Variants in VPS8 observed in about 807,000 individuals in gnomAD.
The protein encoded by VPS8 is VPS8 subunit of CORVET complex.
Under a neutral mutation model 216.4 loss-of-function variants are expected in VPS8, and 129 were observed. The ratio of observed to expected loss-of-function variants is 0.60; its 90% CI spans 0.52 to 0.69. The LOEUF (loss-of-function observed/expected upper bound fraction) is 0.69. Among genes scored for constraint, VPS8 ranks in the 30% least tolerant of loss-of-function variants. The probability of loss-of-function intolerance (pLI) is 0.00; values close to 1 mark genes in which losing one functional copy is unlikely to be tolerated. For synonymous variants in VPS8, 571 were observed against 565.4 expected (o/e 1.01, Z -0.14); for missense variants, 1,531 against 1,683.5 (o/e 0.91, Z 1.59).
At chr3:184,892,607 A>G (rs1007633124) in intron 22 of VPS8, among the ~76,000 whole-genome samples, 8 of 152,210 alleles carry the variant, frequency 5.3e-5, no homozygotes, top group African/African-American at 1.9e-4. Context: ...TGAATATAAA[A>G]AAAATTTTAT....
intron 3 of VPS8, among the ~76,000 whole-genome samples, chr3:184,831,011 A>G (rs1449727684): frequency 6.6e-6 from 1 of 152,220 alleles, no homozygotes; most frequent in African/African-American, 2.4e-5. Context: ...ATGAAGTAGG[A>G]AGAGAAGATG....
chr3:184,825,666 C>T (rs1718601776), intron 2 of VPS8, among the ~76,000 whole-genome samples: 1 of 152,180 alleles, frequency 6.6e-6, no homozygotes, highest in Admixed American at 6.5e-5. Context: ...CTTTATGAGG[C>T]CGAGATGGGT....
intron 46 of VPS8, among the ~76,000 whole-genome samples, chr3:185,047,404 C>G (rs1174204246): frequency 6.6e-6 from 1 of 152,152 alleles, no homozygotes. Context: ...ACTCGGAGAA[C>G]TTGCCTAAGA....
intron 46 of VPS8, among the ~76,000 whole-genome samples, chr3:185,031,626 T>A (rs1487095982): frequency 2.6e-5 from 4 of 152,160 alleles, no homozygotes; most frequent in Non-Finnish European, 5.9e-5. Context: ...CATCCTTAAT[T>A]GTTGAGAGGA....
At chr3:184,923,788 C>G (rs892431361) in intron 29 of VPS8, among the ~76,000 whole-genome samples, 3 of 152,158 alleles carry the variant, frequency 2.0e-5, no homozygotes, top group Admixed American at 6.5e-5. Flanking sequence ...TTCTCTTTGC[C>G]AGGTTTGCCT....
At chr3:185,036,903 G>A (rs1196215917) in intron 46 of VPS8, among the ~76,000 whole-genome samples, 1 of 151,696 alleles carries the variant, frequency 6.6e-6, no homozygotes, top group African/African-American at 2.4e-5. Context: ...CACCTCCTTT[G>A]TGCAAATATG....
At position 184,871,346 on chromosome 3, in the gene VPS8, G is replaced by A. The variant is rs1196743238; in HGVS notation, c.1734+541G>A. 2.6e-5 allele frequency among the ~76,000 whole-genome samples: 4 copies of A among 152,198 alleles called. No individual in the cohort carries two copies. The East Asian group carries it at 7.7e-4, about 29-fold the overall frequency. On this transcript the variant is annotated intron_variant, in intron 21 of 47. Transcript: ENST00000625842. Reference sequence around the variant, plus strand: ...TTATGCAGGTTTTACTTTCTGCAGTGCTCTCCAGTTATATTTGTTGCAAAT... The same window carrying A: ...TTATGCAGGTTTTACTTTCTGCAGTACTCTCCAGTTATATTTGTTGCAAAT...
At chr3:185,049,515 G>A (rs551259617) in intron 47 of VPS8, among the ~76,000 whole-genome samples, 2 of 152,162 alleles carry the variant, frequency 1.3e-5, no homozygotes, top group South Asian at 2.1e-4. Flanking sequence ...TATCACTCAC[G>A]GAGGCCACTG....
chr3:185,011,407 G>A (rs1755002596), intron 45 of VPS8, among the ~76,000 whole-genome samples: 1 of 152,192 alleles, frequency 6.6e-6, no homozygotes, highest in South Asian at 2.1e-4. Flanking sequence ...TTACTGGGAT[G>A]AAGAAACAGA....
chr3:185,023,719 C>G (rs1224930720), intron 45 of VPS8, among the ~76,000 whole-genome samples: 1 of 152,070 alleles, frequency 6.6e-6, no homozygotes, highest in East Asian at 1.9e-4. Context: ...TGTCGCCATC[C>G]TTTTCCTTTT....
intron 8 of VPS8, among the ~76,000 whole-genome samples, chr3:184,845,874 G>A (rs769865511): frequency 6.6e-6 from 1 of 150,634 alleles, no homozygotes; most frequent in Non-Finnish European, 1.5e-5. Context: ...CATCACTGCT[G>A]TTTTTTTTTA....
At chr3:185,051,738 G>A (rs1451452421) in intron 47 of VPS8, 138 bp from the exon 48 acceptor site, 1 of 1,062,110 alleles carries the variant, frequency 9.4e-7, no homozygotes, top group African/African-American at 1.6e-5. Context: ...GTGATATATG[G>A]ACCTAAGATT....
intron 22 of VPS8, among the ~76,000 whole-genome samples, chr3:184,889,352 C>T (rs1228902202): frequency 6.6e-6 from 1 of 152,134 alleles, no homozygotes; most frequent in African/African-American, 2.4e-5. Flanking sequence ...ATAGTATATA[C>T]TCCTCACCTC....
At chr3:184,968,030 C>A (rs1359394441) in intron 39 of VPS8, among the ~76,000 whole-genome samples, 3 of 152,200 alleles carry the variant, frequency 2.0e-5, no homozygotes, top group African/African-American at 7.2e-5. Context: ...AGCAACAGCT[C>A]CCCTATTCCC....
chr3:184,861,900 A>G (rs751522970), intron 15 of VPS8, among the ~76,000 whole-genome samples: 3 of 152,218 alleles, frequency 2.0e-5, no homozygotes, highest in Non-Finnish European at 2.9e-5. Context: ...TCTAAATAAA[A>G]TAATTAAGAG....
intron 8 of VPS8, among the ~76,000 whole-genome samples, chr3:184,844,853 A>G (rs1341590164): frequency 6.6e-6 from 1 of 152,202 alleles, no homozygotes; most frequent in Non-Finnish European, 1.5e-5. Flanking sequence ...GGTAAGCTAT[A>G]TTACTGTCAT....
chr3:184,911,509 C>T (rs1250549210), intron 25 of VPS8, among the ~76,000 whole-genome samples: 1 of 152,152 alleles, frequency 6.6e-6, no homozygotes, highest in Non-Finnish European at 1.5e-5. Flanking sequence ...GCTTTTTCCA[C>T]AGAGGGTTTT....
chr3:184,944,574 G>A, intron 36 of VPS8: 1 of 985,338 alleles, frequency 1.0e-6, no homozygotes, highest in African/African-American at 1.7e-5. Flanking sequence ...AGCTGCATAA[G>A]GAGTAAAGAG....
At chr3:184,969,622 G>A (rs976323795) in intron 39 of VPS8, among the ~76,000 whole-genome samples, 6 of 149,650 alleles carry the variant, frequency 4.0e-5, no homozygotes, top group African/African-American at 1.5e-4. Context: ...TTGAGATGGG[G>A]TTTCACCATG....
Sources: gnomAD v4.1 joint callset for allele counts (sites outside exome capture counted in the v4.1 genomes callset) on GRCh38, gnomAD v4.1.1 for gene constraint, MANE v1.5 for transcripts, NCBI Gene and HGNC (gene_info 2026-07-23, HGNC 2026-07-21) for gene names.